The following NDST3 variants were observed in gnomAD, a reference collection of about 807,000 sequenced individuals.
NDST3 encodes the protein N-deacetylase and N-sulfotransferase 3.
A neutral mutation model predicts 96.1 loss-of-function variants in NDST3; 58 were observed. That is an observed-to-expected ratio of 0.60 (90% CI 0.49 to 0.75). The LOEUF is 0.75. NDST3 is among the 30% of genes least tolerant of loss of function. NDST3 has a pLI of 0.00. For synonymous variants in NDST3, 333 were observed against 359.7 expected (o/e 0.93, Z 0.84); for missense variants, 788 against 1,034.2 (o/e 0.76, Z 3.27).
At chr4:118,175,267 C>T (rs986756354) in intron 6 of NDST3, among the ~76,000 whole-genome samples, 2 of 151,992 alleles carry the variant, frequency 1.3e-5, no homozygotes, top group South Asian at 4.1e-4. Flanking sequence ...AACTGTAAAG[C>T]CATTAATTTT....
intron 6 of NDST3, among the ~76,000 whole-genome samples, chr4:118,189,230 T>C (rs1737153439): frequency 6.6e-6 from 1 of 152,026 alleles, no homozygotes; most frequent in African/African-American, 2.4e-5. Context: ...TTTGTATTTT[T>C]AGTAGAGATG....
intron 2 of NDST3, chr4:118,055,498 T>C (rs1450543442): frequency 6.6e-6 from 1 of 152,586 alleles, no homozygotes; most frequent in Non-Finnish European, 1.5e-5. Context: ...AAGCCAATCA[T>C]GCCAAATTTA....
intron 6 of NDST3, among the ~76,000 whole-genome samples, chr4:118,174,522 T>C (rs1736155084): frequency 6.6e-6 from 1 of 152,176 alleles, no homozygotes; most frequent in East Asian, 1.9e-4. Flanking sequence ...TAACTATCAT[T>C]GTACAGAGAT....
At chr4:118,201,780 T>C (rs1385593991) in intron 6 of NDST3, among the ~76,000 whole-genome samples, 2 of 152,160 alleles carry the variant, frequency 1.3e-5, no homozygotes, top group African/African-American at 4.8e-5. Context: ...GCAGAAGCTT[T>C]TTAGTTTAAT....
chr4:118,131,663 A>C (rs1474077346), intron 4 of NDST3, among the ~76,000 whole-genome samples: 2 of 152,036 alleles, frequency 1.3e-5, no homozygotes, highest in Non-Finnish European at 2.9e-5. Context: ...GTAGATGTTC[A>C]TCTGTGTCTG....
rs1742249673 is a variant in NDST3 at position 118,258,619 on chromosome 4, C to G, written c.*2907C>G. On this transcript the variant is annotated 3_prime_UTR_variant, in exon 14 of 14. Coordinates refer to ENST00000296499, the MANE Select transcript of NDST3 (RefSeq NM_004784.3). Reference sequence around the variant, plus strand: ...GGTACCTCATATGTACAACAATAAACTGATAGGAAAATGAAGAGTTTGGAC... The same window carrying G: ...GGTACCTCATATGTACAACAATAAAGTGATAGGAAAATGAAGAGTTTGGAC... 1 of 151,916 alleles carries G rather than the reference C, an allele frequency of 6.6e-6. No individual in the cohort carries two copies. Among genetic ancestry groups the G allele is most frequent in the Non-Finnish European group, 1.5e-5 (1 of 67,992 alleles). 9.4% of individuals were successfully genotyped at this position (151,916 alleles called of 1,614,324 possible).
At position 118,114,793 on chromosome 4, in the gene NDST3, T is replaced by TC. The variant is rs5861378; in HGVS notation, c.1070-6dup. 1,487,358 of 1,604,660 alleles carry TC rather than the reference T, an allele frequency of 0.93. 694,708 individuals carry two copies. Among genetic ancestry groups the TC allele is most frequent in the South Asian group, 0.96 (86,859 of 90,572 alleles). On this transcript the variant is annotated splice_polypyrimidine_tract_variant and intron_variant, in intron 3 of 13. Transcript: ENST00000296499. ...TAACTGGAATTAATTGGATAATATT[T>TC]CCCCCCCTAAAGGAACTGAAGAGGA...
At chr4:118,046,548 G>A (rs1724771697) in intron 1 of NDST3, among the ~76,000 whole-genome samples, 1 of 152,180 alleles carries the variant, frequency 6.6e-6, no homozygotes, top group African/African-American at 2.4e-5. Flanking sequence ...CAGCCCTGCA[G>A]GAACATATGC....
chr4:118,209,113 T>C (rs945899432), intron 6 of NDST3, among the ~76,000 whole-genome samples: 6 of 152,234 alleles, frequency 3.9e-5, no homozygotes, highest in African/African-American at 1.2e-4. Flanking sequence ...TTTAATTTAA[T>C]GCTCTTCCTA....
rs1738559095 is a variant in NDST3, at chr4:118,208,054, T to A, written c.1540-16437T>A. On this transcript the variant is annotated intron_variant, in intron 6 of 13. Transcript: ENST00000296499. ...AGCTAGTTCCTAAGATAATTTACTT[T>A]CAGAAAGTATAACCCTTTACTACAT... Among the ~76,000 whole-genome samples the A allele has an allele frequency of 1.4e-5, 2 of 144,634 alleles. 1 individual carries two copies. The highest frequency in any genetic ancestry group is 3.1e-5 in the Non-Finnish European group (2 of 65,298). 94.9% of individuals were successfully genotyped at this position (144,634 alleles called of 152,430 possible).
Position 118,230,183 on chromosome 4 carries a change from C to T in NDST3, c.1820-2829C>T, listed in dbSNP as rs1335546072. 2.6e-5 allele frequency among the ~76,000 whole-genome samples: 4 copies of T among 152,122 alleles called. 1 individual carries two copies. The South Asian group carries it at 8.3e-4, about 31-fold the overall frequency. On this transcript the variant is annotated intron_variant, in intron 8 of 13. Coordinates refer to ENST00000296499, the MANE Select transcript of NDST3 (RefSeq NM_004784.3). ...GATTTCATGTAATGGAGCTTTTTTC[C>T]TCCAATAAATTTTAGATATTGCTTC... is the stretch of plus-strand genomic sequence containing the variant.
intron 7 of NDST3, among the ~76,000 whole-genome samples, chr4:118,225,569 G>T (rs553491147): frequency 6.6e-6 from 1 of 152,258 alleles, no homozygotes; most frequent in East Asian, 1.9e-4. Context: ...AGGCCATCTG[G>T]TTCCAAAAGC....
At chr4:118,250,574 C>A (rs916200462) in intron 12 of NDST3, among the ~76,000 whole-genome samples, 7 of 151,702 alleles carry the variant, frequency 4.6e-5, no homozygotes, top group African/African-American at 1.7e-4. Flanking sequence ...AACCTCTGCC[C>A]CCCAGGTTCA....
intron 10 of NDST3, among the ~76,000 whole-genome samples, chr4:118,238,818 T>C (rs1052205863): frequency 1.3e-5 from 2 of 152,166 alleles, no homozygotes; most frequent in African/African-American, 4.8e-5. Context: ...AAAGACCACC[T>C]GGGAAAGGCT....
At chr4:118,230,584 AAAAAG>A (rs1740216390) in intron 8 of NDST3, among the ~76,000 whole-genome samples, 1 of 152,144 alleles carries the variant, frequency 6.6e-6, no homozygotes, top group African/African-American at 2.4e-5. Context: ...CAAAAAAAAA[AAAAAG>A]AAGTGAAATT....
chr4:118,137,507 C>T (rs1161116596), intron 4 of NDST3, among the ~76,000 whole-genome samples: 5 of 152,152 alleles, frequency 3.3e-5, no homozygotes. Flanking sequence ...ATTATCCAAT[C>T]AAAAGTGTGT....
chr4:118,219,162 A>G (rs990241009), intron 6 of NDST3, among the ~76,000 whole-genome samples: 1 of 152,082 alleles, frequency 6.6e-6, no homozygotes, highest in African/African-American at 2.4e-5. Context: ...TACTATTGAC[A>G]TTCTTCACAG....
intron 3 of NDST3, 141 bp downstream of exon 3, chr4:118,105,246 A>G (rs1033065125): frequency 5.3e-6 from 3 of 566,636 alleles, no homozygotes; most frequent in Non-Finnish European, 9.2e-6. Flanking sequence ...TTAACATGCT[A>G]TTTTTTAATT....
intron 6 of NDST3, among the ~76,000 whole-genome samples, chr4:118,204,312 A>G (rs541909748): frequency 6.8e-6 from 1 of 146,074 alleles, no homozygotes. Flanking sequence ...AGCCTTAGAC[A>G]AATTAAACTT....
Sources: gnomAD v4.1 joint callset for allele counts (sites outside exome capture counted in the v4.1 genomes callset) on GRCh38, gnomAD v4.1.1 for gene constraint, MANE v1.5 for transcripts, NCBI Gene and HGNC (gene_info 2026-07-23, HGNC 2026-07-21) for gene names.